ARRDC5: variants seen among roughly 807,000 people sequenced by gnomAD.
The protein encoded by ARRDC5 is arrestin domain-containing protein 5.
Under a neutral mutation model 13.3 loss-of-function variants are expected in ARRDC5, and 12 were observed. The ratio of observed to expected loss-of-function variants is 0.90; its 90% CI spans 0.58 to 1.46. The LOEUF is 1.46. Among genes scored for constraint, ARRDC5 ranks in the 40% most tolerant of loss-of-function variants. ARRDC5 has a pLI of 0.00. For missense variants in ARRDC5, 406 were observed against 418.7 expected (o/e 0.97, Z 0.26); for synonymous variants, 181 against 173.4 (o/e 1.04, Z -0.34).
the ARRDC5 span, chr19:4,909,707 T>C: frequency 4.0e-6 from 2 of 502,098 alleles, no homozygotes; most frequent in East Asian, 3.6e-5. Flanking sequence ...CGCACGGGGC[T>C]CGGGAACTTT....
intron 1 of ARRDC5, among the ~76,000 whole-genome samples, chr19:4,898,510 T>C (rs2779171): frequency 0.34 from 51,327 of 151,764 alleles, 9,401 homozygotes; most frequent in Middle Eastern, 0.48. Flanking sequence ...TACAGGTGTG[T>C]ACCACCATGC....
chr19:4,900,827 C>T (rs2031888788), intron 1 of ARRDC5, among the ~76,000 whole-genome samples: 1 of 152,042 alleles, frequency 6.6e-6, no homozygotes, highest in African/African-American at 2.4e-5. Context: ...CAAGACCAGC[C>T]TGACCAACAT....
upstream of ARRDC5, among the ~76,000 whole-genome samples, chr19:4,905,242 G>A (rs1400158847): frequency 5.6e-5 from 8 of 143,814 alleles, no homozygotes; most frequent in East Asian, 6.5e-4. Flanking sequence ...TCAGCCTCCC[G>A]AGTAGCTGGG....
rs748814527 is a variant in ARRDC5, at chr19:4,902,883, G to A, written c.-58C>T. ...TGTCCCCCATGTCCCTGAAATTCCC[G>A]GTTCGTTGGCCCTAGTGAGGTAATC... On this transcript the variant is annotated 5_prime_UTR_variant, in exon 1 of 3. Transcript: ENST00000650722. The A allele has an allele frequency of 3.0e-5, 48 of 1,611,042 alleles. No homozygotes were observed. In the East Asian group the frequency reaches 4.9e-4, roughly 16 times the overall value.
At chr19:4,895,184 G>A (rs1461926888) in intron 2 of ARRDC5, among the ~76,000 whole-genome samples, 1 of 151,852 alleles carries the variant, frequency 6.6e-6, no homozygotes, top group South Asian at 2.1e-4. Context: ...CACTTTGGGA[G>A]GCCTAGGCAG....
the ARRDC5 span, chr19:4,910,340 G>GGGGGGGGCCGGCAAAGA: frequency 7.0e-6 from 1 of 142,344 alleles, no homozygotes; most frequent in Non-Finnish European, 1.6e-5. Context: ...GCACGCGCGC[G>GGGGGGGGCCGGCAAAGA]GGGGGGGCCG....
At chr19:4,893,110 A>ATT (rs1304515266) in intron 2 of ARRDC5, among the ~76,000 whole-genome samples, 1 of 74,584 alleles carries the variant, frequency 1.3e-5, no homozygotes, top group African/African-American at 3.6e-5. Flanking sequence ...TCAAAAATAA[A>ATT]TATATATATT....
chr19:4,893,673 C>A (rs1374397638), intron 2 of ARRDC5, among the ~76,000 whole-genome samples: 1 of 137,204 alleles, frequency 7.3e-6, no homozygotes, highest in Non-Finnish European at 1.5e-5. Flanking sequence ...GGGAGGATCA[C>A]TGGAGCCCAG....
the ARRDC5 span, among the ~76,000 whole-genome samples, chr19:4,913,077 CAG>C: frequency 6.6e-6 from 1 of 151,976 alleles, no homozygotes; most frequent in African/African-American, 2.4e-5. Flanking sequence ...TATAGTGAAA[CAG>C]ATGTTAGACA....
rs1038339946 is a variant in ARRDC5 at position 4,895,562 on chromosome 19, C to T, written c.459+1109G>A. ...TGAAGTGACTTTGGCCAACGTCCCT[C>T]CTCCCACCTCGACTTCCGCCTCTGC... On this transcript the variant is annotated intron_variant, in intron 2 of 2. Coordinates refer to ENST00000650722, the MANE Select transcript of ARRDC5 (RefSeq NM_001080523.3). Among the ~76,000 whole-genome samples the T allele has an allele frequency of 2.0e-5, 3 of 152,154 alleles. No individual in the cohort carries two copies. The South Asian group carries it at 6.2e-4, about 32-fold the overall frequency.
rs752452168 is a variant in ARRDC5, at chr19:4,896,749, C to T, written c.381G>A (p.Arg127=). The T allele has an allele frequency of 1.4e-5, 23 of 1,613,656 alleles. No individual in the cohort carries two copies. In the South Asian group the frequency reaches 1.4e-4, roughly 10 times the overall value. The change falls in exon 2 of 3, where the codon AGG becomes AGA. Residue 127 remains arginine, a synonymous_variant. Transcript: ENST00000650722. ...FYFVQASCMG[R]EHILAKKRMY... The stretch of plus-strand genomic sequence containing the variant: ...TCCTCTTCTTGGCTAAAATGTGTTC[C>T]CTGCCCATGCAGGAAGCTTGTACGA...
At chr19:4,891,916 T>C (rs1240274512) in intron 2 of ARRDC5, among the ~76,000 whole-genome samples, 1 of 147,722 alleles carries the variant, frequency 6.8e-6, no homozygotes, top group Non-Finnish European at 1.5e-5. Context: ...GATTGTGTGA[T>C]TGCACTTCAG....
At chr19:4,900,233 C>T (rs1489279923) in intron 1 of ARRDC5, among the ~76,000 whole-genome samples, 2 of 149,640 alleles carry the variant, frequency 1.3e-5, no homozygotes, top group African/African-American at 4.9e-5. Context: ...CCGCAAGCTC[C>T]GCCTCCCGGG....
Position 4,902,822 on chromosome 19 carries a change from A to G in ARRDC5, c.4T>C (p.Ser2Pro). M[S>P]VVKSIELVLP... ...ACTAATTCGATCGACTTCACCACAGACATGGGGGGTTGGGGGGTAGAGAGA... is the reference window on the plus strand; with the variant it reads ...ACTAATTCGATCGACTTCACCACAGGCATGGGGGGTTGGGGGGTAGAGAGA... Residue 2 changes from serine to proline, a missense_variant, in exon 1 of 3, where the codon TCT (serine) becomes CCT (proline). Transcript: ENST00000650722. 1 of 1,613,834 alleles carries G rather than the reference A, an allele frequency of 6.2e-7. No individual in the cohort carries two copies. The highest frequency in any genetic ancestry group is 2.2e-5 in the East Asian group (1 of 44,860).
chr19:4,915,972 A>G, the ARRDC5 span, among the ~76,000 whole-genome samples: 1 of 152,162 alleles, frequency 6.6e-6, no homozygotes, highest in Admixed American at 6.5e-5. Flanking sequence ...CAATAGCCCC[A>G]GGAGCCTGTG....
the ARRDC5 span, among the ~76,000 whole-genome samples, chr19:4,912,175 G>C: frequency 2.0e-5 from 3 of 152,168 alleles, no homozygotes; most frequent in African/African-American, 7.2e-5. Context: ...GGGAGGAGGC[G>C]ATCTGGAGAA....
the ARRDC5 span, among the ~76,000 whole-genome samples, chr19:4,913,452 A>G: frequency 1.3e-5 from 2 of 151,884 alleles, no homozygotes; most frequent in African/African-American, 4.8e-5. Flanking sequence ...ACGGAGTTTC[A>G]CCATGTTGGC....
intron 1 of ARRDC5, 103 bp from the exon 2 acceptor site, chr19:4,896,979 CA>C: frequency 1.4e-5 from 11 of 796,240 alleles, no homozygotes; most frequent in Non-Finnish European, 2.1e-5. Flanking sequence ...ATTTTTGAGA[CA>C]CGGTCTCACT....
the ARRDC5 span, among the ~76,000 whole-genome samples, chr19:4,914,808 A>G: frequency 6.6e-6 from 1 of 152,130 alleles, no homozygotes; most frequent in Non-Finnish European, 1.5e-5. Context: ...TATTTTAGAT[A>G]GGGCTAATAC....
Sources: gnomAD v4.1 joint callset for allele counts (sites outside exome capture counted in the v4.1 genomes callset) on GRCh38, gnomAD v4.1.1 for gene constraint, MANE v1.5 for transcripts, NCBI Gene and HGNC (gene_info 2026-07-23, HGNC 2026-07-21) for gene names.